Variants in FHIT observed in about 807,000 individuals in gnomAD.
FHIT encodes the protein bis(5'-adenosyl)-triphosphatase.
In FHIT, 19 loss-of-function variants were observed where a neutral mutation model predicts 17.9. The observed-to-expected ratio is 1.06, with a 90% CI of 0.74 to 1.56. The LOEUF (loss-of-function observed/expected upper bound fraction) is 1.56. Among genes scored for constraint, FHIT ranks in the 40% most tolerant of loss-of-function variants. The probability of loss-of-function intolerance (pLI) is 0.00; values close to 1 mark genes in which losing one functional copy is unlikely to be tolerated. For synonymous variants in FHIT, 81 were observed against 69.7 expected, an observed-to-expected ratio of 1.16 and a Z score of -0.81; for missense variants, 248 against 189.2, an observed-to-expected ratio of 1.31 and a Z score of -1.82.
intron 5 of FHIT, among the ~76,000 whole-genome samples, chr3:60,040,544 GTCC>G (rs1320300282): frequency 1.3e-5 from 2 of 152,142 alleles, no homozygotes; most frequent in African/African-American, 2.4e-5. Context: ...AATCTCCCCT[GTCC>G]TCCTCACACT....
chr3:60,316,652 C>T (rs1386980052), intron 5 of FHIT, among the ~76,000 whole-genome samples: 1 of 152,128 alleles, frequency 6.6e-6, no homozygotes, highest in Non-Finnish European at 1.5e-5. Context: ...GAATGAAATC[C>T]AGAATGTTAC....
chr3:60,122,104 T>G (rs1240995127), intron 5 of FHIT, among the ~76,000 whole-genome samples: 1 of 146,126 alleles, frequency 6.8e-6, no homozygotes, highest in Non-Finnish European at 1.5e-5. Context: ...AGAAGAGAAA[T>G]TGCAACTAAA....
intron 8 of FHIT, among the ~76,000 whole-genome samples, chr3:59,914,137 C>T (rs901607997): frequency 1.6e-4 from 24 of 152,128 alleles, no homozygotes; most frequent in Non-Finnish European, 3.2e-4. Context: ...TAATTTTTAA[C>T]TCAACATTAC....
intron 2 of FHIT, among the ~76,000 whole-genome samples, chr3:61,185,930 T>C (rs1194748008): frequency 6.6e-6 from 1 of 152,106 alleles, no homozygotes; most frequent in East Asian, 1.9e-4. Context: ...ATTCTCAAAA[T>C]GCAGGAGTTA....
At chr3:60,112,640 G>A (rs1313093163) in intron 5 of FHIT, among the ~76,000 whole-genome samples, 3 of 152,126 alleles carry the variant, frequency 2.0e-5, no homozygotes, top group African/African-American at 7.2e-5. Context: ...TTTTTTTGAA[G>A]CTGGCTAAAA....
intron 5 of FHIT, among the ~76,000 whole-genome samples, chr3:60,480,158 AAG>A (rs949526633): frequency 1.3e-5 from 2 of 152,134 alleles, no homozygotes; most frequent in African/African-American, 2.4e-5. Flanking sequence ...GCAGGAGAGA[AAG>A]AGAGAGAAAA....
chr3:61,024,694 G>A (rs1300428558), intron 3 of FHIT, among the ~76,000 whole-genome samples: 1 of 152,110 alleles, frequency 6.6e-6, no homozygotes, highest in Admixed American at 6.6e-5. Context: ...TAATTTAAAT[G>A]AAGCTACCAA....
intron 3 of FHIT, among the ~76,000 whole-genome samples, chr3:60,888,018 T>C (rs1476801332): frequency 6.6e-5 from 10 of 152,178 alleles, no homozygotes; most frequent in African/African-American, 2.2e-4. Context: ...CCCTAAAAGA[T>C]TAAATGATAT....
intron 5 of FHIT, among the ~76,000 whole-genome samples, chr3:60,404,345 G>A (rs549318689): frequency 1.3e-5 from 2 of 152,074 alleles, no homozygotes; most frequent in Admixed American, 6.5e-5. Context: ...ACAAAAATGT[G>A]CAGTTTAAAC....
At chr3:60,819,591 T>C (rs2106758838) in intron 4 of FHIT, among the ~76,000 whole-genome samples, 1 of 152,280 alleles carries the variant, frequency 6.6e-6, no homozygotes, top group Middle Eastern at 3.4e-3. Context: ...ATTGCACAAT[T>C]CCTTCTAATC....
At chr3:61,082,104 G>A (rs1365760131) in intron 2 of FHIT, among the ~76,000 whole-genome samples, 1 of 151,142 alleles carries the variant, frequency 6.6e-6, no homozygotes, top group African/African-American at 2.4e-5. Flanking sequence ...AGTGCTTATT[G>A]AAATGTAACT....
intron 4 of FHIT, among the ~76,000 whole-genome samples, chr3:60,735,173 T>C (rs961304432): frequency 6.6e-6 from 1 of 152,230 alleles, no homozygotes; most frequent in Non-Finnish European, 1.5e-5. Flanking sequence ...AGCCTGTATC[T>C]TTTCTAAATT....
intron 4 of FHIT, among the ~76,000 whole-genome samples, chr3:60,614,880 A>C (rs1463782745): frequency 2.5e-5 from 3 of 121,168 alleles, no homozygotes; most frequent in African/African-American, 9.5e-5. Context: ...GCCAGACTGG[A>C]GTGCAGTGGC....
chr3:61,035,453 A>G (rs2033195616), intron 3 of FHIT, among the ~76,000 whole-genome samples: 1 of 152,174 alleles, frequency 6.6e-6, no homozygotes, highest in Non-Finnish European at 1.5e-5. Context: ...TTGTTAAACT[A>G]CCCAAAATTT....
intron 5 of FHIT, among the ~76,000 whole-genome samples, chr3:60,367,209 C>G (rs1278280166): frequency 6.6e-6 from 1 of 152,100 alleles, no homozygotes; most frequent in African/African-American, 2.4e-5. Context: ...TCATTAGTTC[C>G]TTTCAATTAA....
At chr3:60,060,193 A>AG in intron 5 of FHIT, among the ~76,000 whole-genome samples, 1 of 152,278 alleles carries the variant, frequency 6.6e-6, no homozygotes, top group African/African-American at 2.4e-5. Flanking sequence ...GTTAAAAAAA[A>AG]AAACCCAAAT....
intron 5 of FHIT, among the ~76,000 whole-genome samples, chr3:60,015,115 T>C (rs377671688): frequency 2.6e-5 from 4 of 152,282 alleles, no homozygotes; most frequent in East Asian, 3.9e-4. Flanking sequence ...TTTTTCTTGT[T>C]GTTTTAAGAC....
At chr3:60,257,891 C>T (rs545349070) in intron 5 of FHIT, among the ~76,000 whole-genome samples, 6 of 151,888 alleles carry the variant, frequency 4.0e-5, no homozygotes, top group Non-Finnish European at 5.9e-5. Flanking sequence ...TAAGGCCTGT[C>T]GGAGGGTCAA....
intron 3 of FHIT, among the ~76,000 whole-genome samples, chr3:60,968,434 TC>T (rs1306807807): frequency 1.6e-4 from 23 of 144,762 alleles, no homozygotes; most frequent in African/African-American, 5.5e-4. Flanking sequence ...TTTTTTTTTT[TC>T]GAGATGGAGT....
Sources: allele counts gnomAD v4.1 joint callset (sites outside exome capture counted in the v4.1 genomes callset), GRCh38; gene constraint gnomAD v4.1.1; transcripts MANE v1.5; gene names NCBI Gene and HGNC (gene_info 2026-07-23, HGNC 2026-07-21).